Variants in PIP4K2A observed in about 807,000 individuals in gnomAD.
PIP4K2A encodes phosphatidylinositol 5-phosphate 4-kinase type-2 alpha.
A neutral mutation model predicts 42.9 loss-of-function variants in PIP4K2A; 14 were observed. That is an observed-to-expected ratio of 0.33 (90% CI 0.22 to 0.51). The LOEUF is 0.51. PIP4K2A is among the 20% of genes least tolerant of loss of function. The pLI, the probability that PIP4K2A is intolerant of heterozygous loss-of-function variation, is 0.97. For synonymous variants in PIP4K2A, 192 were observed against 192.2 expected, an observed-to-expected ratio of 1.00 and a Z score of 0.01; for missense variants, 434 against 519.8, an observed-to-expected ratio of 0.83 and a Z score of 1.61.
chr10:22,628,565 A>G (rs186278842), intron 1 of PIP4K2A, among the ~76,000 whole-genome samples: 1 of 152,346 alleles, frequency 6.6e-6, no homozygotes, highest in African/African-American at 2.4e-5. Flanking sequence ...CATGTGCCCA[A>G]GGAGGCTGGG....
intron 4 of PIP4K2A, among the ~76,000 whole-genome samples, chr10:22,583,660 C>G (rs1192224227): frequency 6.6e-6 from 1 of 152,176 alleles, no homozygotes; most frequent in African/African-American, 2.4e-5. Context: ...AAACAAAACT[C>G]TCAGAAAAAG....
intron 1 of PIP4K2A, among the ~76,000 whole-genome samples, chr10:22,690,741 G>C (rs1172217392): frequency 2.0e-5 from 3 of 152,230 alleles, no homozygotes; most frequent in Admixed American, 6.5e-5. Context: ...AACTGAGCTT[G>C]AGATAAGTAA....
intron 6 of PIP4K2A, among the ~76,000 whole-genome samples, chr10:22,560,501 C>A (rs1232885406): frequency 6.6e-6 from 1 of 152,180 alleles, no homozygotes; most frequent in South Asian, 2.1e-4. Context: ...CTCTCGAACC[C>A]TCAGTTGGTA....
At chr10:22,601,146 A>AC in intron 3 of PIP4K2A, among the ~76,000 whole-genome samples, 1 of 134,858 alleles carries the variant, frequency 7.4e-6, no homozygotes, top group South Asian at 2.4e-4. Context: ...AAAAAAAAAA[A>AC]AAAAAAAAAA....
At chr10:22,698,927 A>G (rs1043862161) in intron 1 of PIP4K2A, among the ~76,000 whole-genome samples, 2 of 152,234 alleles carry the variant, frequency 1.3e-5, no homozygotes, top group African/African-American at 4.8e-5. Context: ...CTAAATAAGC[A>G]TAAGAAGAAA....
chr10:22,607,705 AAT>A, intron 3 of PIP4K2A: 1 of 325,696 alleles, frequency 3.1e-6, no homozygotes, highest in Non-Finnish European at 5.6e-6. Context: ...AAAGAAAAGT[AAT>A]ATATTTTCCT....
In PIP4K2A at chr10:22,680,700, T is replaced by C. The variant is rs539524902; in HGVS notation, c.144+33483A>G. On this transcript the variant is annotated intron_variant, in intron 1 of 9. Transcript: ENST00000376573. Reference sequence around the variant, plus strand: ...GTCAAGAACTCAAGGAGGCTCAACATTGTGTTCCTGCGACAGCTCAGCGAG... The same window carrying C: ...GTCAAGAACTCAAGGAGGCTCAACACTGTGTTCCTGCGACAGCTCAGCGAG... Among the ~76,000 whole-genome samples, 12 of 152,328 alleles carry C rather than the reference T, an allele frequency of 7.9e-5. No individual in the cohort carries two copies. In the East Asian group the frequency reaches 9.6e-4, roughly 12 times the overall value.
intron 1 of PIP4K2A, 113 bp downstream of exon 1, chr10:22,714,070 T>C (rs897018039): frequency 5.3e-6 from 6 of 1,140,356 alleles, no homozygotes; most frequent in African/African-American, 1.6e-5. Flanking sequence ...CAGCCGGAGG[T>C]CCAGGGCTGA....
chr10:22,542,942 C>T (rs1564412903), intron 7 of PIP4K2A, among the ~76,000 whole-genome samples: 1 of 152,150 alleles, frequency 6.6e-6, no homozygotes, highest in Non-Finnish European at 1.5e-5. Flanking sequence ...GGCTCAGGGT[C>T]CAGGAAGGTT....
At chr10:22,597,884 C>A (rs534210093) in intron 3 of PIP4K2A, among the ~76,000 whole-genome samples, 30 of 152,282 alleles carry the variant, frequency 2.0e-4, no homozygotes, top group African/African-American at 6.3e-4. Context: ...GTAAAATATT[C>A]ACTTTCTGGA....
intron 1 of PIP4K2A, among the ~76,000 whole-genome samples, chr10:22,667,518 T>G (rs1839371722): frequency 6.6e-6 from 1 of 152,188 alleles, no homozygotes; most frequent in Non-Finnish European, 1.5e-5. Flanking sequence ...TTCAACAAAC[T>G]GAAGATCACT....
chr10:22,549,756 G>A (rs535215224), intron 7 of PIP4K2A, among the ~76,000 whole-genome samples: 2 of 148,466 alleles, frequency 1.3e-5, no homozygotes, highest in Non-Finnish European at 3.0e-5. Context: ...CGGGAGAATG[G>A]CGTGAACCTG....
chr10:22,685,980 G>A (rs780379959), intron 1 of PIP4K2A, among the ~76,000 whole-genome samples: 7 of 152,048 alleles, frequency 4.6e-5, no homozygotes, highest in Non-Finnish European at 7.4e-5. Context: ...TCAATGCCAC[G>A]CCATCCTCTC....
intron 1 of PIP4K2A, among the ~76,000 whole-genome samples, chr10:22,628,638 T>C (rs1247138184): frequency 6.6e-6 from 1 of 152,170 alleles, no homozygotes; most frequent in Non-Finnish European, 1.5e-5. Context: ...AAGATTCACA[T>C]TGGTTAGGAC....
chr10:22,608,740 G>A (rs1164572922), intron 2 of PIP4K2A, among the ~76,000 whole-genome samples: 1 of 152,082 alleles, frequency 6.6e-6, no homozygotes, highest in Non-Finnish European at 1.5e-5. Flanking sequence ...AGCTGGGCAT[G>A]GTAACCTGCA....
At chr10:22,661,706 A>G (rs1477831440) in intron 1 of PIP4K2A, 1 of 152,188 alleles carries the variant, frequency 6.6e-6, no homozygotes, top group African/African-American at 2.4e-5. Context: ...CCTTGAGGAC[A>G]AGGGACTTGC....
At chr10:22,539,908 AGAGGGAGAGAGAGAGAGAGAGAGG>A (rs1836054532) in intron 9 of PIP4K2A, 39 bp downstream of exon 9, 4 of 207,268 alleles carry the variant, frequency 1.9e-5, no homozygotes, top group Non-Finnish European at 3.1e-5. Flanking sequence ...AGAGAGAGAG[AGAGGGAGAGAGAGAGAGAGAGAGG>A]GAGAGAAAGA....
intron 6 of PIP4K2A, among the ~76,000 whole-genome samples, chr10:22,554,097 C>T (rs1317682328): frequency 1.3e-5 from 2 of 151,928 alleles, no homozygotes; most frequent in African/African-American, 2.4e-5. Flanking sequence ...GCCATGATCG[C>T]GCCACTGCAC....
intron 9 of PIP4K2A, among the ~76,000 whole-genome samples, chr10:22,538,746 A>C (rs1171892669): frequency 6.6e-6 from 1 of 152,070 alleles, no homozygotes; most frequent in Non-Finnish European, 1.5e-5. Flanking sequence ...AAGAGTACTC[A>C]AAAATTTCTG....
Sources: gnomAD v4.1 joint callset for allele counts (sites outside exome capture counted in the v4.1 genomes callset) on GRCh38, gnomAD v4.1.1 for gene constraint, MANE v1.5 for transcripts, NCBI Gene and HGNC (gene_info 2026-07-23, HGNC 2026-07-21) for gene names.